Variants in SPIDR observed in about 807,000 individuals in gnomAD.
SPIDR encodes DNA repair-scaffolding protein.
SPIDR carries 93 observed loss-of-function variants against 104.6 expected under a neutral mutation model. The ratio of observed to expected loss-of-function variants is 0.89; its 90% CI spans 0.75 to 1.06. The LOEUF is 1.06. SPIDR is among the 50% of genes least tolerant of loss of function. The probability of loss-of-function intolerance (pLI) is 0.00; values close to 1 mark genes in which losing one functional copy is unlikely to be tolerated. For missense variants in SPIDR, 1,154 were observed against 1,111.2 expected (o/e 1.04, Z -0.55); for synonymous variants, 431 against 416.9 (o/e 1.03, Z -0.41).
At chr8:47,435,797 A>G (rs1302356396) in intron 7 of SPIDR, among the ~76,000 whole-genome samples, 1 of 152,264 alleles carries the variant, frequency 6.6e-6, no homozygotes, top group African/African-American at 2.4e-5. Context: ...ATGTCTTAGC[A>G]TAATGAAGTA....
chr8:47,689,876 G>A (rs1009542430), intron 11 of SPIDR, among the ~76,000 whole-genome samples: 1 of 152,020 alleles, frequency 6.6e-6, no homozygotes, highest in African/African-American at 2.4e-5. Flanking sequence ...GTATTTTGTT[G>A]TTTTCTTCTT....
At position 47,491,082 on chromosome 8, in the gene SPIDR, C is replaced by T. The variant is rs193149628; in HGVS notation, c.1097+50540C>T. Among the ~76,000 whole-genome samples, 217 of 152,210 alleles carry T rather than the reference C, an allele frequency of 1.4e-3. 1 individual carries two copies. The highest frequency in any genetic ancestry group is 4.6e-3 in the South Asian group (22 of 4,822). On this transcript the variant is annotated intron_variant, in intron 8 of 19. Coordinates refer to ENST00000297423, the MANE Select transcript of SPIDR (RefSeq NM_001080394.4). ...AAACTTGTAACTACAAAAAGCATGC[C>T]TCACATTTCGTGGTACTTCAAACTT... is the stretch of plus-strand genomic sequence containing the variant.
intron 5 of SPIDR, among the ~76,000 whole-genome samples, chr8:47,337,203 C>G (rs894187223): frequency 6.6e-6 from 1 of 152,094 alleles, no homozygotes; most frequent in East Asian, 1.9e-4. Context: ...TGATAACTTA[C>G]GACAGCCTCG....
rs781913320 is a variant in SPIDR at position 47,369,987 on chromosome 8, C to CTT, written c.526-26378_526-26377dup. Among the ~76,000 whole-genome samples the CTT allele has an allele frequency of 4.2e-5, 6 of 143,964 alleles. No homozygotes were observed. In the East Asian group the frequency reaches 1.2e-3, roughly 29 times the overall value. 94.4% of individuals were successfully genotyped at this position (143,964 alleles called of 152,430 possible). A position where few individuals can be genotyped will look rare whatever the true frequency, so the allele number is the denominator to read the frequency against. On this transcript the variant is annotated intron_variant, in intron 5 of 19. Transcript: ENST00000297423. ...CCTTTAACACAATGTAAAGAAATCT[C>CTT]TTTTTTTTTTTTCATCTTCCATTTT...
rs2037386908 is a variant in SPIDR at position 47,279,954 on chromosome 8, T to C, written c.126T>C (p.Ala42=). The C allele has an allele frequency of 1.2e-6, 2 of 1,614,184 alleles. No individual in the cohort carries two copies. Among genetic ancestry groups the C allele is most frequent in the East Asian group, 4.5e-5 (2 of 44,884 alleles). ...RRAGLRTAGA[A]ASLSEAWLRC... The stretch of plus-strand genomic sequence containing the variant: ...CAGGTCTCAGGACAGCAGGGGCAGC[T>C]GCCTCTCTCTCTGAAGCATGGCTCA... Residue 42 remains alanine (A), a synonymous_variant, in exon 2 of 20, where the codon GCT becomes GCC. Coordinates refer to ENST00000297423, the MANE Select transcript of SPIDR (RefSeq NM_001080394.4).
chr8:47,559,187 C>G (rs1032760163), intron 8 of SPIDR, among the ~76,000 whole-genome samples: 2 of 152,188 alleles, frequency 1.3e-5, no homozygotes, highest in African/African-American at 2.4e-5. Context: ...AATAAAAACA[C>G]TTTAGTTATA....
At chr8:47,416,441 G>C (rs1364079569) in intron 7 of SPIDR, among the ~76,000 whole-genome samples, 4 of 152,012 alleles carry the variant, frequency 2.6e-5, no homozygotes, top group African/African-American at 9.7e-5. Flanking sequence ...AGGGCCTTTG[G>C]GTTGTTTCCA....
intron 6 of SPIDR, among the ~76,000 whole-genome samples, chr8:47,400,195 G>C (rs2061691457): frequency 6.6e-6 from 1 of 152,226 alleles, no homozygotes; most frequent in South Asian, 2.1e-4. Flanking sequence ...CAGGCCCAGT[G>C]AGAGGGTAGG....
intron 8 of SPIDR, among the ~76,000 whole-genome samples, chr8:47,533,592 G>A (rs767966469): frequency 1.3e-5 from 2 of 152,100 alleles, no homozygotes; most frequent in African/African-American, 4.8e-5. Flanking sequence ...CCATTAAAAA[G>A]TGAGTAAAGG....
chr8:47,293,236 A>T lies in SPIDR; in HGVS notation c.362-631A>T, dbSNP rs920431284. 5.9e-5 allele frequency among the ~76,000 whole-genome samples: 9 copies of T among 152,002 alleles called. No homozygotes were observed. The East Asian group carries it at 1.7e-3, about 30-fold the overall frequency. On this transcript the variant is annotated intron_variant, in intron 4 of 19. Transcript: ENST00000297423. ...CAAACTCCTGGGCTCGAGCGATCCT[A>T]CTACATCCTCTTAATTATGTTTAGT...
chr8:47,348,366 T>C (rs1554619808), intron 5 of SPIDR, among the ~76,000 whole-genome samples: 2 of 152,208 alleles, frequency 1.3e-5, no homozygotes, highest in Non-Finnish European at 1.5e-5. Flanking sequence ...CCTTTCTCTC[T>C]GGCTGCCCTT....
intron 5 of SPIDR, among the ~76,000 whole-genome samples, chr8:47,336,447 TC>T: frequency 6.6e-6 from 1 of 152,208 alleles, no homozygotes; most frequent in East Asian, 1.9e-4. Flanking sequence ...CAGTCTTAAA[TC>T]CCTCTCCCTG....
chr8:47,554,264 A>G (rs551814056), intron 8 of SPIDR, among the ~76,000 whole-genome samples: 6 of 152,084 alleles, frequency 3.9e-5, no homozygotes, highest in East Asian at 1.9e-4. Flanking sequence ...GAGAACCACT[A>G]CTCTCTTCAA....
At chr8:47,496,810 A>ATGTTTGTT (rs56406549) in intron 8 of SPIDR, among the ~76,000 whole-genome samples, 1,987 of 146,048 alleles carry the variant, frequency 0.014, 26 homozygotes, top group East Asian at 0.037. Flanking sequence ...ATCTGGGCCT[A>ATGTTTGTT]TGTTTGTTTG....
At chr8:47,625,144 T>C (rs554802472) in intron 10 of SPIDR, among the ~76,000 whole-genome samples, 125 of 152,148 alleles carry the variant, frequency 8.2e-4, no homozygotes, top group Non-Finnish European at 1.6e-3. Context: ...AACTACATGA[T>C]TATCTCAATA....
chr8:47,440,511 C>G lies in SPIDR; in HGVS notation c.1066C>G (p.Pro356Ala). Residue 356 changes from proline (P) to alanine (A), a missense_variant, in exon 8 of 20, where the codon CCC (proline) becomes GCC (alanine). Pro to Ala is a conservative substitution (Grantham distance 27). Transcript: ENST00000297423. ...KETAGYLRGR[P>A]QDTVRIFPPW... ...GACTGCAGGCTACCTCAGGGGCCGT[C>G]CCCAGGACACTGTCCGGATCTTCCC... 1 of 1,614,202 alleles carries G rather than the reference C, an allele frequency of 6.2e-7. No homozygotes were observed. The highest frequency in any genetic ancestry group is 2.2e-5 in the East Asian group (1 of 44,880).
intron 8 of SPIDR, among the ~76,000 whole-genome samples, chr8:47,472,661 T>G (rs147570370): frequency 2.2e-4 from 33 of 152,310 alleles, no homozygotes; most frequent in Non-Finnish European, 3.8e-4. Context: ...GCACAGTTTA[T>G]TTACTTCAGA....
chr8:47,365,126 T>G (rs2056935906), intron 5 of SPIDR, among the ~76,000 whole-genome samples: 1 of 152,222 alleles, frequency 6.6e-6, no homozygotes, highest in Non-Finnish European at 1.5e-5. Flanking sequence ...GTGTTTTTCC[T>G]TTGGAGGCAT....
intron 3 of SPIDR, among the ~76,000 whole-genome samples, chr8:47,287,636 G>A (rs1388443546): frequency 6.6e-6 from 1 of 152,096 alleles, no homozygotes; most frequent in African/African-American, 2.4e-5. Flanking sequence ...CTACTTGCAT[G>A]TCCGTTTATA....
Sources: gnomAD v4.1 joint callset for allele counts (sites outside exome capture counted in the v4.1 genomes callset) on GRCh38, gnomAD v4.1.1 for gene constraint, MANE v1.5 for transcripts, NCBI Gene and HGNC (gene_info 2026-07-23, HGNC 2026-07-21) for gene names.